TPR: variants seen among roughly 807,000 people sequenced by gnomAD.
The protein encoded by TPR is nucleoprotein TPR.
TPR carries 51 observed loss-of-function variants against 316.1 expected under a neutral mutation model. The observed-to-expected ratio is 0.16, with a 90% CI of 0.13 to 0.20. The LOEUF (loss-of-function observed/expected upper bound fraction) is 0.20. TPR is among the 10% of genes least tolerant of loss of function. The pLI, the probability that TPR is intolerant of heterozygous loss-of-function variation, is 1.00. For missense variants in TPR, 2,272 were observed against 2,754.8 expected (o/e 0.82, Z 3.92); for synonymous variants, 981 against 914.7 (o/e 1.07, Z -1.31).
In TPR at chr1:186,334,396, G is replaced by C. The variant is rs200189169; in HGVS notation, c.5111C>G (p.Ala1704Gly). ...GGTAGTAGTGGGATTTGTAACAGTT[G>C]CAGGTGTAACCATTGGGCGGATACT... is the stretch of plus-strand genomic sequence containing the variant. ...RASIRPMVTP[A>G]TVTNPTTTPT... Residue 1704 changes from alanine (A) to glycine (G), a missense_variant, in exon 36 of 51, where the codon GCA becomes GGA. Physicochemically the swap from Ala to Gly is moderately conservative, Grantham distance 60 (BLOSUM62 0). Around this residue, in one of 10 missense-constraint regions of TPR, gnomAD observed 109 missense variants for 215.3 expected, o/e 0.51. Transcript: ENST00000367478. The C allele has an allele frequency of 6.1e-4, 978 of 1,613,622 alleles. 1 individual carries two copies. Among genetic ancestry groups the C allele is most frequent in the Non-Finnish European group, 7.4e-4 (868 of 1,179,730 alleles).
intron 38 of TPR, 55 bp downstream of exon 38, chr1:186,332,140 G>A (rs1041346447): frequency 4.6e-5 from 71 of 1,531,198 alleles, no homozygotes; most frequent in Non-Finnish European, 5.9e-5. Flanking sequence ...TAGCTGAAAA[G>A]AGTACCTTAA....
chr1:186,314,119 G>C (rs1380492489), intron 50 of TPR, 93 bp from the exon 51 acceptor site: 1 of 1,197,838 alleles, frequency 8.3e-7, no homozygotes, highest in African/African-American at 1.5e-5. Context: ...AAAATATCTA[G>C]GCATTGTGGA....
intron 6 of TPR, 84 bp downstream of exon 6, chr1:186,362,753 C>A (rs931886430): frequency 8.3e-7 from 1 of 1,209,030 alleles, no homozygotes; most frequent in East Asian, 2.5e-5. Flanking sequence ...ATCAGGTACA[C>A]ACTACTGAAT....
rs1166433724 is a variant in TPR at position 186,349,674 on chromosome 1, AAAT to A, written c.2776+546_2776+548del. On this transcript the variant is annotated intron_variant, in intron 21 of 50. Coordinates refer to ENST00000367478, the MANE Select transcript of TPR (RefSeq NM_003292.3). Reference sequence around the variant, plus strand: ...GACTCTCTCTCAAAAAAAAAAAAAAAAATAAATAAATAAATAAAACCATATAGA... The same window carrying A: ...GACTCTCTCTCAAAAAAAAAAAAAAAAAATAAATAAATAAAACCATATAGA... Among the ~76,000 whole-genome samples, 335 of 147,570 alleles carry A rather than the reference AAAT, an allele frequency of 2.3e-3. 1 individual carries two copies. Among genetic ancestry groups the A allele is most frequent in the Non-Finnish European group, 3.6e-3 (242 of 66,924 alleles).
intron 24 of TPR, 135 bp from the exon 25 acceptor site, chr1:186,344,713 T>G: frequency 3.1e-6 from 2 of 644,232 alleles, no homozygotes; most frequent in Non-Finnish European, 4.5e-6. Context: ...AATAAGAAAA[T>G]AATTAAAAGT....
At position 186,373,425 on chromosome 1, in the gene TPR, T is replaced by C. The variant is rs1415717574; in HGVS notation, c.190A>G (p.Ser64Gly). ...GTTTCATTCACAAGTCTCTCCTGAC[T>C]GTGGGACAACCTCTTTTCTATTTCA... ...YFEIEKRLSH[S>G]QERLVNETRE... The change falls in exon 2 of 51, where the codon AGT becomes GGT. Residue 64 changes from serine (S) to glycine (G), a missense_variant. Physicochemically the swap from Ser to Gly is moderately conservative, Grantham distance 56. Transcript: ENST00000367478. 6.2e-7 allele frequency: 1 copy of C among 1,613,546 alleles called. No homozygotes were observed. Among genetic ancestry groups the C allele is most frequent in the Admixed American group, 1.7e-5 (1 of 59,994 alleles).
rs1175238460 is a variant in TPR, at chr1:186,351,372, T to C, written c.2568A>G (p.Glu856=). The change falls in exon 20 of 51, where the codon GAA becomes GAG. Residue 856 remains glutamate (E), a synonymous_variant. Transcript: ENST00000367478. ...HEISHLKKKL[E]NEVEQRHTLT... is the part of the protein sequence containing the mutation. ...GTGTATGCCTTTGTTCCACCTCATT[T>C]TCCAACTTCTTCTTTAGATGAGAGA... 1 of 1,612,618 alleles carries C rather than the reference T, an allele frequency of 6.2e-7. No individual in the cohort carries two copies.
chr1:186,338,335 A>G (rs988970527), intron 30 of TPR, 92 bp from the exon 31 acceptor site: 72 of 1,082,408 alleles, frequency 6.7e-5, no homozygotes, highest in South Asian at 2.8e-4. Context: ...TACTGCTTTA[A>G]TAACTTTTTT....
At chr1:186,364,843 G>T (rs1367639742) in intron 4 of TPR, among the ~76,000 whole-genome samples, 2 of 152,108 alleles carry the variant, frequency 1.3e-5, no homozygotes, top group East Asian at 3.9e-4. Context: ...AGAAAGAGAA[G>T]GGAGCACCAG....
chr1:186,329,682 T>A (rs934345693), intron 39 of TPR, among the ~76,000 whole-genome samples: 6 of 152,182 alleles, frequency 3.9e-5, no homozygotes, highest in Admixed American at 3.9e-4. Flanking sequence ...ATGTTCAACC[T>A]GTACTACATA....
intron 4 of TPR, among the ~76,000 whole-genome samples, chr1:186,366,933 T>C (rs1053899105): frequency 3.3e-5 from 5 of 151,556 alleles, no homozygotes; most frequent in African/African-American, 4.8e-5. Flanking sequence ...GGAACTCTTG[T>C]GAGACTGGGA....
At position 186,337,078 on chromosome 1, in the gene TPR, CTTT is replaced by C. The variant is rs1658360170; in HGVS notation, c.4438_4440del (p.Lys1480del). On this transcript the variant is annotated inframe_deletion, in exon 32 of 51. Transcript: ENST00000367478. ...TTTGTTTCAGCTTGGTTGAGCGTTT[CTTT>C]GAGTTCCTGCATTTCCTGGACTGAA... 6.2e-7 allele frequency: 1 copy of C among 1,613,784 alleles called. No homozygotes were observed. Among genetic ancestry groups the C allele is most frequent in the Admixed American group, 1.7e-5 (1 of 59,982 alleles).
At chr1:186,374,358 G>C (rs892326585) in intron 1 of TPR, among the ~76,000 whole-genome samples, 5 of 152,152 alleles carry the variant, frequency 3.3e-5, no homozygotes, top group African/African-American at 1.2e-4. Context: ...TTAAATTTAT[G>C]TACTGCACAT....
rs1471851714 is a variant in TPR at position 186,313,662 on chromosome 1, T to A, written c.*309A>T. 2.7e-6 allele frequency: 4 copies of A among 1,464,518 alleles called. No individual in the cohort carries two copies. The Admixed American group carries it at 6.7e-5, about 25-fold the overall frequency. The allele number at this position is 1,464,518 out of a possible 1,614,324, so 90.7% of individuals were successfully genotyped here. Reference sequence around the variant, plus strand: ...ATTGTTTTCTTTTTAACTAAAAAAATGTTTTCTCTTCCATTTAGATCAATA... The same window carrying A: ...ATTGTTTTCTTTTTAACTAAAAAAAAGTTTTCTCTTCCATTTAGATCAATA... On this transcript the variant is annotated 3_prime_UTR_variant, in exon 51 of 51. Transcript: ENST00000367478.
chr1:186,354,703 G>C (rs751173471), intron 17 of TPR, among the ~76,000 whole-genome samples: 2 of 152,020 alleles, frequency 1.3e-5, no homozygotes, highest in Non-Finnish European at 2.9e-5. Context: ...CTTTGGATGT[G>C]ACCAAGAAAA....
Position 186,314,727 on chromosome 1 carries a change from A to C in TPR, c.6941-3T>G. ...CTTTGGTTGACTACTACTAGTATCT[A>C]AGAAAAACATTAAGATAAAAGAAAA... On this transcript the variant is annotated splice_region_variant and splice_polypyrimidine_tract_variant and intron_variant, in intron 49 of 50. Coordinates refer to ENST00000367478, the MANE Select transcript of TPR (RefSeq NM_003292.3). 6.3e-7 allele frequency: 1 copy of C among 1,594,718 alleles called. No homozygotes were observed. The highest frequency in any genetic ancestry group is 8.6e-7 in the Non-Finnish European group (1 of 1,169,548).
rs74316457 is a variant in TPR, at chr1:186,374,994, G to A, written c.35C>T (p.Thr12Met). Reference protein sequence around the residue: ...AAVLQQVLERTELNKLPKSVQ... With the variant: ...AAVLQQVLERMELNKLPKSVQ... ...AGACTTGGGCAGCTTGTTCAGCTCC[G>A]TGCGCTCCAGGACTTGCTGCAACAC... The change falls in exon 1 of 51, where the codon ACG becomes ATG. Residue 12 changes from threonine (T) to methionine (M), a missense_variant. Thr to Met is a moderately conservative substitution (Grantham distance 81). Around this residue, in one of 10 missense-constraint regions of TPR, gnomAD observed 549 missense variants for 598.6 expected, o/e 0.92. Coordinates refer to ENST00000367478, the MANE Select transcript of TPR (RefSeq NM_003292.3). 6.3e-4 allele frequency: 1,023 copies of A among 1,614,106 alleles called. 16 individuals are homozygous for A. In the East Asian group the frequency reaches 0.022, roughly 35 times the overall value.
chr1:186,352,122 T>C lies in TPR; in HGVS notation c.2335-12A>G. 1.3e-6 allele frequency: 2 copies of C among 1,575,892 alleles called. No homozygotes were observed. The highest frequency in any genetic ancestry group is 8.6e-7 in the Non-Finnish European group (1 of 1,166,862). On this transcript the variant is annotated splice_polypyrimidine_tract_variant and intron_variant, in intron 18 of 50. Coordinates refer to ENST00000367478, the MANE Select transcript of TPR (RefSeq NM_003292.3). ...TTTTCTGCTCTTACCTAAACATAAG[T>C]AGAAATGAAATAAAAAATGCTGAAA... is the stretch of plus-strand genomic sequence containing the variant.
chr1:186,351,188 C>T (rs1658851217), intron 20 of TPR, 142 bp downstream of exon 20: 1 of 810,948 alleles, frequency 1.2e-6, no homozygotes, highest in Non-Finnish European at 1.7e-6. Context: ...AAAAAAATTA[C>T]TGGGTATAGA....
Sources: gnomAD v4.1 joint callset for allele counts (sites outside exome capture counted in the v4.1 genomes callset) on GRCh38, gnomAD v4.1.1 for gene constraint, gnomAD v4.1.1 regional missense constraint, MANE v1.5 for transcripts, NCBI Gene and HGNC (gene_info 2026-07-23, HGNC 2026-07-21) for gene names.